The following STK4 variants were observed in gnomAD, a reference collection of about 807,000 sequenced individuals.
The protein encoded by STK4 is serine/threonine kinase 4.
A neutral mutation model predicts 64.9 loss-of-function variants in STK4; 30 were observed. The observed-to-expected ratio is 0.46, with a 90% CI of 0.35 to 0.63. The LOEUF is 0.63. Among genes scored for constraint, STK4 ranks in the 20% least tolerant of loss-of-function variants. The pLI is 0.01. For missense variants in STK4, 466 were observed against 598.5 expected (o/e 0.78, Z 2.31); for synonymous variants, 177 against 199.0 (o/e 0.89, Z 0.93).
At chr20:44,972,606 G>C (rs576927329) in intron 2 of STK4, 1 of 152,930 alleles carries the variant, frequency 6.5e-6, no homozygotes, top group Non-Finnish European at 1.5e-5. Context: ...ACAATCCTGG[G>C]TTGGGAGCCA....
chr20:44,969,221 G>A (rs1013496257), intron 1 of STK4, among the ~76,000 whole-genome samples: 4 of 152,194 alleles, frequency 2.6e-5, no homozygotes, highest in African/African-American at 7.2e-5. Context: ...GTAAGCTGGG[G>A]ACACAGTTTT....
chr20:44,982,591 G>A (rs567143753), intron 4 of STK4, among the ~76,000 whole-genome samples: 24 of 152,266 alleles, frequency 1.6e-4, no homozygotes, highest in African/African-American at 5.5e-4. Flanking sequence ...TACCTAGCGT[G>A]TTCACAAATT....
chr20:44,981,215 C>T (rs568721650), intron 3 of STK4, among the ~76,000 whole-genome samples: 8 of 152,032 alleles, frequency 5.3e-5, no homozygotes, highest in South Asian at 2.1e-4. Flanking sequence ...AGTGCAGTGG[C>T]GCGATTTCGG....
At chr20:45,030,633 C>T (rs1360192571) in intron 10 of STK4, among the ~76,000 whole-genome samples, 3 of 152,030 alleles carry the variant, frequency 2.0e-5, no homozygotes, top group Non-Finnish European at 2.9e-5. Flanking sequence ...AAGTGAATTG[C>T]CTGTTTGCCA....
At chr20:44,996,240 A>G (rs962276645) in intron 6 of STK4, among the ~76,000 whole-genome samples, 2 of 152,068 alleles carry the variant, frequency 1.3e-5, no homozygotes, top group African/African-American at 4.8e-5. Flanking sequence ...CATAGAATGC[A>G]TCTCCAGTGA....
intron 10 of STK4, among the ~76,000 whole-genome samples, chr20:45,059,776 A>T (rs2299979): frequency 0.075 from 11,357 of 152,150 alleles, 596 homozygotes; most frequent in East Asian, 0.19. Flanking sequence ...GGACTAGAGA[A>T]TTTTTTTCAT....
intron 3 of STK4, among the ~76,000 whole-genome samples, chr20:44,979,632 C>T (rs1377545591): frequency 6.6e-6 from 1 of 152,138 alleles, no homozygotes; most frequent in Non-Finnish European, 1.5e-5. Context: ...GCTTTTTGGT[C>T]AGCAGATCAA....
intron 9 of STK4, among the ~76,000 whole-genome samples, chr20:45,007,290 C>T (rs927969554): frequency 3.2e-4 from 49 of 152,168 alleles, no homozygotes; most frequent in African/African-American, 1.2e-3. Flanking sequence ...CAGTAGCTCA[C>T]GCCTGTAATC....
chr20:44,991,964 G>A (rs1013711330), intron 5 of STK4, among the ~76,000 whole-genome samples: 2 of 152,068 alleles, frequency 1.3e-5, no homozygotes. Flanking sequence ...GTGCCTGGCT[G>A]AGTGTTGCAT....
chr20:44,993,350 A>G (rs901371643), intron 5 of STK4, among the ~76,000 whole-genome samples: 1 of 152,142 alleles, frequency 6.6e-6, no homozygotes, highest in African/African-American at 2.4e-5. Context: ...TTATAATACA[A>G]ATCTAAGTGG....
intron 9 of STK4, among the ~76,000 whole-genome samples, chr20:45,020,693 A>AT: frequency 6.6e-6 from 1 of 152,128 alleles, no homozygotes; most frequent in East Asian, 1.9e-4. Context: ...AGCTGGTGCA[A>AT]TAACAGCTGG....
chr20:44,991,808 G>A (rs1362161030), intron 5 of STK4, among the ~76,000 whole-genome samples: 9 of 151,864 alleles, frequency 5.9e-5, no homozygotes, highest in Non-Finnish European at 8.8e-5. Context: ...GACTACAGAC[G>A]CACACCACCA....
chr20:44,999,448 CAG>C (rs1448023950), intron 7 of STK4, among the ~76,000 whole-genome samples: 1 of 152,094 alleles, frequency 6.6e-6, no homozygotes, highest in East Asian at 1.9e-4. Context: ...TGATGGAGAA[CAG>C]AGAATGGATT....
At chr20:45,037,903 A>T (rs1336417529) in intron 10 of STK4, among the ~76,000 whole-genome samples, 1 of 152,180 alleles carries the variant, frequency 6.6e-6, no homozygotes, top group African/African-American at 2.4e-5. Context: ...TATAATTAGA[A>T]ATCATGATTG....
chr20:45,004,477 A>G (rs2067899077), intron 9 of STK4: 1 of 151,882 alleles, frequency 6.6e-6, no homozygotes, highest in Non-Finnish European at 1.5e-5. Flanking sequence ...AAAAAAAATA[A>G]TCTTTTAAGA....
intron 10 of STK4, among the ~76,000 whole-genome samples, chr20:45,057,543 A>G (rs960783393): frequency 1.3e-5 from 2 of 152,190 alleles, no homozygotes; most frequent in Non-Finnish European, 2.9e-5. Context: ...CCTGTGTTAT[A>G]TACTAATCAT....
chr20:45,062,593 T>C (rs1174349960), intron 10 of STK4, among the ~76,000 whole-genome samples: 5 of 152,266 alleles, frequency 3.3e-5, no homozygotes, highest in African/African-American at 4.8e-5. Context: ...GCATCTGTTA[T>C]TTTTTGACTT....
intron 5 of STK4, among the ~76,000 whole-genome samples, chr20:44,994,616 C>T (rs1381324067): frequency 6.6e-6 from 1 of 151,806 alleles, no homozygotes; most frequent in African/African-American, 2.4e-5. Flanking sequence ...GACATTTCTA[C>T]AGTCTTTGTG....
intron 10 of STK4, among the ~76,000 whole-genome samples, chr20:45,060,332 G>C (rs1978881920): frequency 6.6e-6 from 1 of 152,196 alleles, no homozygotes; most frequent in African/African-American, 2.4e-5. Flanking sequence ...TTAGTTCTCT[G>C]TATCTCAAAT....
Sources: gnomAD v4.1 joint callset for allele counts (sites outside exome capture counted in the v4.1 genomes callset) on GRCh38, gnomAD v4.1.1 for gene constraint, MANE v1.5 for transcripts, NCBI Gene and HGNC (gene_info 2026-07-23, HGNC 2026-07-21) for gene names.